Variants in TMEM132B observed in about 807,000 individuals in gnomAD.
The protein encoded by TMEM132B is transmembrane protein 132B.
Under a neutral mutation model 90.8 loss-of-function variants are expected in TMEM132B, and 18 were observed. The ratio of observed to expected loss-of-function variants is 0.20; its 90% CI spans 0.14 to 0.29. The LOEUF (loss-of-function observed/expected upper bound fraction) is 0.29, where lower values mean the gene tolerates loss of function less well. Ranked by LOEUF, TMEM132B falls within the 10% of genes least tolerant of loss-of-function variation. The probability of loss-of-function intolerance (pLI) is 1.00; values close to 1 mark genes in which losing one functional copy is unlikely to be tolerated. For synonymous variants in TMEM132B, 504 were observed against 523.3 expected, an observed-to-expected ratio of 0.96 and a Z score of 0.50; for missense variants, 1,096 against 1,326.8, an observed-to-expected ratio of 0.83 and a Z score of 2.70.
At chr12:125,203,064 G>A (rs1873102296) in intron 1 of TMEM132B, among the ~76,000 whole-genome samples, 1 of 152,180 alleles carries the variant, frequency 6.6e-6, no homozygotes. Flanking sequence ...ATCTAGGTTG[G>A]AGAATGTGCA....
intron 1 of TMEM132B, among the ~76,000 whole-genome samples, chr12:125,189,549 C>T (rs771792052): frequency 6.0e-4 from 91 of 151,886 alleles, no homozygotes; most frequent in Non-Finnish European, 1.1e-3. Flanking sequence ...CTGTGTGTGG[C>T]GCTGCCCTTC....
chr12:125,487,368 G>A (rs145229571), intron 3 of TMEM132B, among the ~76,000 whole-genome samples: 3 of 152,092 alleles, frequency 2.0e-5, no homozygotes, highest in African/African-American at 7.2e-5. Flanking sequence ...GTACTAGTTA[G>A]GGTAATTAAT....
intron 1 of TMEM132B, among the ~76,000 whole-genome samples, chr12:125,196,834 A>G (rs912352550): frequency 6.6e-6 from 1 of 152,188 alleles, no homozygotes; most frequent in African/African-American, 2.4e-5. Context: ...TTGTTAGTAT[A>G]ATGCTGATGA....
intron 4 of TMEM132B, among the ~76,000 whole-genome samples, chr12:125,581,797 C>G (rs1885060317): frequency 6.6e-6 from 1 of 151,232 alleles, no homozygotes; most frequent in African/African-American, 2.4e-5. Context: ...TCCTTGTATT[C>G]ATGAGATTAC....
intron 5 of TMEM132B, among the ~76,000 whole-genome samples, chr12:125,606,314 C>CTT (rs368313402): frequency 3.9e-5 from 5 of 129,608 alleles, no homozygotes; most frequent in African/African-American, 8.5e-5. Context: ...GATTTCTTTC[C>CTT]TTTTTTTTTT....
At chr12:125,569,759 C>T (rs1034039729) in intron 4 of TMEM132B, among the ~76,000 whole-genome samples, 11 of 151,720 alleles carry the variant, frequency 7.3e-5, no homozygotes, top group African/African-American at 2.7e-4. Flanking sequence ...GCTTGACCAA[C>T]CCCCCCATCT....
chr12:125,463,131 A>G (rs1397785897), intron 3 of TMEM132B, among the ~76,000 whole-genome samples: 2 of 152,220 alleles, frequency 1.3e-5, no homozygotes, highest in Non-Finnish European at 2.9e-5. Flanking sequence ...TCTTGAGCTG[A>G]ATGAAGCGTC....
intron 4 of TMEM132B, among the ~76,000 whole-genome samples, chr12:125,521,004 T>G (rs1282762767): frequency 1.3e-5 from 2 of 152,220 alleles, no homozygotes; most frequent in Non-Finnish European, 2.9e-5. Flanking sequence ...GGAACAGAGA[T>G]GGATGGGTGT....
chr12:125,297,504 G>A (rs1565995720), intron 1 of TMEM132B, among the ~76,000 whole-genome samples: 2 of 152,206 alleles, frequency 1.3e-5, no homozygotes, highest in South Asian at 2.1e-4. Flanking sequence ...ACGCTTCAGC[G>A]GCCACCTATT....
At chr12:125,499,413 A>G (rs1882638554) in intron 3 of TMEM132B, among the ~76,000 whole-genome samples, 1 of 152,242 alleles carries the variant, frequency 6.6e-6, no homozygotes, top group African/African-American at 2.4e-5. Flanking sequence ...AGGATTGTGT[A>G]AAGACAATGC....
At chr12:125,590,792 C>T (rs1343719882) in intron 5 of TMEM132B, among the ~76,000 whole-genome samples, 1 of 152,060 alleles carries the variant, frequency 6.6e-6, no homozygotes. Flanking sequence ...AAGTGTTGAC[C>T]CATTGCATCT....
At chr12:125,266,055 C>G (rs999181305) in intron 1 of TMEM132B, among the ~76,000 whole-genome samples, 1 of 152,144 alleles carries the variant, frequency 6.6e-6, no homozygotes, top group African/African-American at 2.4e-5. Context: ...ATGGTGAAAC[C>G]CTGTCTCTAC....
intron 1 of TMEM132B, among the ~76,000 whole-genome samples, chr12:125,270,232 G>A (rs1405461408): frequency 2.6e-5 from 4 of 151,526 alleles, no homozygotes; most frequent in African/African-American, 9.7e-5. Flanking sequence ...GAACTCCTAC[G>A]CTCAAGCCAT....
At position 125,612,563 on chromosome 12, in the gene TMEM132B, A is replaced by G. The variant is rs1019545095; in HGVS notation, c.1437+28569A>G. ...ACATGATGTTTTGAAGTATATATATATAATATATATAAAATATATATTATA... is the reference window on the plus strand; with the variant it reads ...ACATGATGTTTTGAAGTATATATATGTAATATATATAAAATATATATTATA... On this transcript the variant is annotated intron_variant, in intron 5 of 8. Transcript: ENST00000682704. 2.1e-5 allele frequency among the ~76,000 whole-genome samples: 3 copies of G among 146,104 alleles called. No individual in the cohort carries two copies. The Admixed American group carries it at 2.1e-4, about 10-fold the overall frequency.
At chr12:125,440,242 G>T (rs1880829540) in intron 3 of TMEM132B, among the ~76,000 whole-genome samples, 1 of 152,162 alleles carries the variant, frequency 6.6e-6, no homozygotes, top group African/African-American at 2.4e-5. Flanking sequence ...CTTCTGGCTT[G>T]ATTTCATGGA....
chr12:125,515,126 A>G (rs1182159688), intron 3 of TMEM132B, among the ~76,000 whole-genome samples: 1 of 152,146 alleles, frequency 6.6e-6, no homozygotes, highest in Non-Finnish European at 1.5e-5. Context: ...CTCCTAACAC[A>G]CGCAGACACA....
chr12:125,243,134 C>T (rs1459891008), intron 1 of TMEM132B, among the ~76,000 whole-genome samples: 2 of 141,714 alleles, frequency 1.4e-5, no homozygotes, highest in African/African-American at 5.3e-5. Flanking sequence ...CACACACACA[C>T]ACATATATAT....
chr12:125,516,457 A>G, intron 3 of TMEM132B, among the ~76,000 whole-genome samples: 1 of 152,232 alleles, frequency 6.6e-6, no homozygotes, highest in East Asian at 1.9e-4. Context: ...ATTGAGAGAA[A>G]TGACTTTAAA....
Position 125,519,639 on chromosome 12 carries a change from G to T in TMEM132B, c.1293+14G>T. ...CCTCTTGCCATGGTGAGGAATCTGGGGGTTTCAGAGGAAGTGTCACAAAGA... is the reference window on the plus strand; with the variant it reads ...CCTCTTGCCATGGTGAGGAATCTGGTGGTTTCAGAGGAAGTGTCACAAAGA... On this transcript the variant is annotated intron_variant, in intron 4 of 8. Coordinates refer to ENST00000682704, the MANE Select transcript of TMEM132B (RefSeq NM_001366854.1). The T allele has an allele frequency of 1.9e-6, 3 of 1,612,836 alleles. No individual in the cohort carries two copies. The highest frequency in any genetic ancestry group is 2.5e-6 in the Non-Finnish European group (3 of 1,179,792).
Sources: gnomAD v4.1 joint callset for allele counts (sites outside exome capture counted in the v4.1 genomes callset) on GRCh38, gnomAD v4.1.1 for gene constraint, MANE v1.5 for transcripts, NCBI Gene and HGNC (gene_info 2026-07-23, HGNC 2026-07-21) for gene names.